The following RAB38 variants were observed in gnomAD, a reference collection of about 807,000 sequenced individuals.
The protein encoded by RAB38 is ras-related protein Rab-38.
RAB38 carries 15 observed loss-of-function variants against 18.4 expected under a neutral mutation model. That is an observed-to-expected ratio of 0.82 (90% CI 0.55 to 1.26). The LOEUF (loss-of-function observed/expected upper bound fraction) is 1.26. Among genes scored for constraint, RAB38 ranks in the 50% most tolerant of loss-of-function variants. The pLI, the probability that RAB38 is intolerant of heterozygous loss-of-function variation, is 0.00. For missense variants in RAB38, 294 were observed against 267.4 expected, an observed-to-expected ratio of 1.10 and a Z score of -0.69; for synonymous variants, 101 against 104.4, an observed-to-expected ratio of 0.97 and a Z score of 0.20.
At chr11:87,931,944 G>A in the RAB38 span, among the ~76,000 whole-genome samples, 1 of 151,880 alleles carries the variant, frequency 6.6e-6, no homozygotes, top group Non-Finnish European at 1.5e-5. Context: ...CAGGAGGGGT[G>A]GGGTGGGGTG....
chr11:87,812,618 G>A, the RAB38 span, among the ~76,000 whole-genome samples: 1 of 152,188 alleles, frequency 6.6e-6, no homozygotes, highest in African/African-American at 2.4e-5. Flanking sequence ...GCAGGCGCAG[G>A]CTGTATGCTT....
At chr11:88,114,237 C>T in intron 2 of RAB38, 97 bp from the exon 3 acceptor site, 1 of 1,331,038 alleles carries the variant, frequency 7.5e-7, no homozygotes, top group Non-Finnish European at 1.1e-6. Flanking sequence ...AATATTCCTT[C>T]CTATATGCTA....
chr11:88,153,133 CTTAATT>C (rs920425148), intron 1 of RAB38, among the ~76,000 whole-genome samples: 1 of 152,236 alleles, frequency 6.6e-6, no homozygotes, highest in African/African-American at 2.4e-5. Context: ...AAGGCATGGT[CTTAATT>C]TTACTTACTG....
chr11:88,106,735 G>A, the RAB38 span, among the ~76,000 whole-genome samples: 1,806 of 152,218 alleles, frequency 0.012, 47 homozygotes, highest in African/African-American at 0.042. Flanking sequence ...TTTTACCCTT[G>A]TCTTCAAGAC....
At chr11:87,957,065 C>G in the RAB38 span, among the ~76,000 whole-genome samples, 3 of 151,992 alleles carry the variant, frequency 2.0e-5, no homozygotes, top group Admixed American at 6.6e-5. Flanking sequence ...GTGCTTTTCT[C>G]TTATGAATCT....
chr11:87,885,012 C>A, the RAB38 span, among the ~76,000 whole-genome samples: 2 of 151,936 alleles, frequency 1.3e-5, no homozygotes, highest in East Asian at 2.0e-4. Context: ...AAAATAGAGA[C>A]CCACAGGTCC....
At chr11:88,123,900 A>T (rs1942659312) in intron 2 of RAB38, among the ~76,000 whole-genome samples, 1 of 152,198 alleles carries the variant, frequency 6.6e-6, no homozygotes, top group Non-Finnish European at 1.5e-5. Flanking sequence ...TATGGATAAG[A>T]CCCACTTCTA....
At chr11:87,930,622 A>G in the RAB38 span, among the ~76,000 whole-genome samples, 2 of 152,144 alleles carry the variant, frequency 1.3e-5, no homozygotes, top group African/African-American at 2.4e-5. Flanking sequence ...TTGGTGATTT[A>G]GACATGAAGC....
chr11:88,071,471 C>G, the RAB38 span, among the ~76,000 whole-genome samples: 1 of 152,142 alleles, frequency 6.6e-6, no homozygotes, highest in Admixed American at 6.5e-5. Flanking sequence ...AATGCTGCAC[C>G]AATGCAAAAC....
At chr11:88,004,012 A>G in the RAB38 span, among the ~76,000 whole-genome samples, 4 of 138,042 alleles carry the variant, frequency 2.9e-5, no homozygotes. Context: ...AAAAAGGTAT[A>G]TGTACCTTCT....
chr11:88,110,740 C>G, downstream of RAB38, among the ~76,000 whole-genome samples: 1 of 150,520 alleles, frequency 6.6e-6, no homozygotes, highest in East Asian at 2.0e-4. Context: ...TCACTTGAAC[C>G]TGGGAGGTGG....
At chr11:88,101,806 T>A in the RAB38 span, among the ~76,000 whole-genome samples, 1 of 151,564 alleles carries the variant, frequency 6.6e-6, no homozygotes, top group African/African-American at 2.4e-5. Context: ...TACATAATTA[T>A]GTTATTCAAA....
the RAB38 span, among the ~76,000 whole-genome samples, chr11:87,878,306 CATCT>C: frequency 2.4e-4 from 30 of 127,576 alleles, 1 homozygote; most frequent in South Asian, 7.0e-4. Flanking sequence ...ATCTACCTAT[CATCT>C]ATCTATCATC....
the RAB38 span, among the ~76,000 whole-genome samples, chr11:87,813,654 T>C: frequency 6.6e-6 from 1 of 152,172 alleles, no homozygotes; most frequent in South Asian, 2.1e-4. Flanking sequence ...TCTTACCTAT[T>C]GTCTCTTCAG....
the RAB38 span, among the ~76,000 whole-genome samples, chr11:88,020,520 C>G: frequency 1.1e-4 from 17 of 152,142 alleles, no homozygotes; most frequent in Non-Finnish European, 2.4e-4. Flanking sequence ...TTCAGCACCC[C>G]ACTTTCATCA....
chr11:87,834,529 G>C, the RAB38 span, among the ~76,000 whole-genome samples: 74 of 152,326 alleles, frequency 4.9e-4, no homozygotes, highest in African/African-American at 1.4e-3. Flanking sequence ...GGAAGTGGCA[G>C]AGATGAAGAA....
chr11:88,104,580 T>C, the RAB38 span, among the ~76,000 whole-genome samples: 3 of 152,088 alleles, frequency 2.0e-5, no homozygotes, highest in African/African-American at 7.2e-5. Flanking sequence ...ATCTCTCAAA[T>C]CAGGTTAATG....
chr11:87,880,949 G>T, the RAB38 span, among the ~76,000 whole-genome samples: 2 of 151,782 alleles, frequency 1.3e-5, no homozygotes, highest in Non-Finnish European at 2.9e-5. Flanking sequence ...GTATCAACTA[G>T]TGCTGAGTGC....
the RAB38 span, among the ~76,000 whole-genome samples, chr11:88,009,930 T>A: frequency 6.6e-6 from 1 of 152,202 alleles, no homozygotes; most frequent in South Asian, 2.1e-4. Context: ...ATAAGTGAGA[T>A]ATCTTTGAAA....
Sources: allele counts gnomAD v4.1 joint callset (sites outside exome capture counted in the v4.1 genomes callset), GRCh38; gene constraint gnomAD v4.1.1; transcripts MANE v1.5; gene names NCBI Gene and HGNC (gene_info 2026-07-23, HGNC 2026-07-21).